The following TESK2 variants were observed in gnomAD, a reference collection of about 807,000 sequenced individuals.
TESK2 encodes the protein testis associated actin remodelling kinase 2.
A neutral mutation model predicts 57.1 loss-of-function variants in TESK2; 39 were observed. The ratio of observed to expected loss-of-function variants is 0.68; its 90% CI spans 0.53 to 0.89. The LOEUF is 0.89. Among genes scored for constraint, TESK2 ranks in the 40% least tolerant of loss-of-function variants. TESK2 has a pLI of 0.00. For missense variants in TESK2, 646 were observed against 732.1 expected (o/e 0.88, Z 1.36); for synonymous variants, 249 against 267.9 (o/e 0.93, Z 0.69).
chr1:45,344,569 G>A lies in TESK2; in HGVS notation c.*271C>T. On this transcript the variant is annotated 3_prime_UTR_variant, in exon 11 of 11. Coordinates refer to ENST00000372086, the MANE Select transcript of TESK2 (RefSeq NM_007170.3). ...TAGACATCCTCTGGTCCTATCTGGG[G>A]AAGTACACTGGAGAGGGTCTGGTGG... 2.2e-6 allele frequency: 1 copy of A among 445,676 alleles called. No individual in the cohort carries two copies. Among genetic ancestry groups the A allele is most frequent in the Admixed American group, 3.8e-5 (1 of 26,312 alleles). 27.6% of individuals were successfully genotyped at this position (445,676 alleles called of 1,614,324 possible). A position where few individuals can be genotyped will look rare whatever the true frequency, so the allele number is the denominator to read the frequency against.
intron 4 of TESK2, among the ~76,000 whole-genome samples, chr1:45,381,191 C>A (rs150398415): frequency 5.3e-5 from 8 of 152,256 alleles, no homozygotes; most frequent in African/African-American, 1.4e-4. Flanking sequence ...GGGAGAAATT[C>A]TTTACTCTCC....
intron 3 of TESK2, among the ~76,000 whole-genome samples, chr1:45,396,889 G>C (rs559261775): frequency 6.9e-6 from 1 of 144,294 alleles, no homozygotes; most frequent in Non-Finnish European, 1.5e-5. Context: ...CACAATCTTG[G>C]CTCACTGCAA....
chr1:45,372,859 T>A (rs1385254628), intron 4 of TESK2, among the ~76,000 whole-genome samples: 2 of 150,732 alleles, frequency 1.3e-5, no homozygotes, highest in Non-Finnish European at 3.0e-5. Flanking sequence ...AGAAACCCCA[T>A]CTCTACTAAA....
chr1:45,480,854 G>A (rs1291364585), intron 1 of TESK2, among the ~76,000 whole-genome samples: 1 of 151,068 alleles, frequency 6.6e-6, no homozygotes, highest in African/African-American at 2.4e-5. Flanking sequence ...CAGGTGTGGT[G>A]GTGCACACCT....
intron 3 of TESK2, among the ~76,000 whole-genome samples, chr1:45,404,593 G>T (rs1278705446): frequency 2.0e-5 from 3 of 151,032 alleles, no homozygotes; most frequent in Non-Finnish European, 4.4e-5. Context: ...ACCCAGGCTG[G>T]ATTGCAGTGG....
chr1:45,346,486 A>C (rs1335488545), intron 9 of TESK2, among the ~76,000 whole-genome samples: 1 of 152,178 alleles, frequency 6.6e-6, no homozygotes, highest in African/African-American at 2.4e-5. Context: ...TGAGGACCAG[A>C]TAATACAAAA....
At chr1:45,384,781 T>A (rs534148397) in intron 4 of TESK2, among the ~76,000 whole-genome samples, 1 of 151,874 alleles carries the variant, frequency 6.6e-6, no homozygotes, top group Non-Finnish European at 1.5e-5. Context: ...ATTATTATTA[T>A]CCCCATTATA....
chr1:45,487,698 G>C (rs1442289434), intron 1 of TESK2, among the ~76,000 whole-genome samples: 1 of 152,108 alleles, frequency 6.6e-6, no homozygotes, highest in Non-Finnish European at 1.5e-5. Flanking sequence ...TTGGTCCCTT[G>C]GAATGAAACA....
chr1:45,455,952 G>C (rs1652070799), intron 2 of TESK2, among the ~76,000 whole-genome samples: 1 of 151,998 alleles, frequency 6.6e-6, no homozygotes, highest in Non-Finnish European at 1.5e-5. Context: ...CAACACTTTG[G>C]GAGGCCGAGG....
At position 45,457,853 on chromosome 1, in the gene TESK2, C is replaced by T; in HGVS notation, c.-68G>A. The T allele has an allele frequency of 7.0e-7, 1 of 1,421,848 alleles. No individual in the cohort carries two copies. The highest frequency in any genetic ancestry group is 9.8e-7 in the Non-Finnish European group (1 of 1,022,924). The allele number at this position is 1,421,848 out of a possible 1,614,324, so 88.1% of individuals were successfully genotyped here. A position where few individuals can be genotyped will look rare whatever the true frequency, so the allele number is the denominator to read the frequency against. On this transcript the variant is annotated 5_prime_UTR_variant, in exon 2 of 11. Coordinates refer to ENST00000372086, the MANE Select transcript of TESK2 (RefSeq NM_007170.3). ...ACACATAAATTTTTGTTGAATTTTACTTCTCTTCTGGTTTGACACTAAAGA... is the reference window on the plus strand; with the variant it reads ...ACACATAAATTTTTGTTGAATTTTATTTCTCTTCTGGTTTGACACTAAAGA...
At chr1:45,452,151 T>G (rs1651900663) in intron 2 of TESK2, among the ~76,000 whole-genome samples, 1 of 152,098 alleles carries the variant, frequency 6.6e-6, no homozygotes. Flanking sequence ...AATTAAAAAT[T>G]AAGTCTTAGT....
At chr1:45,415,244 T>C (rs1379646210) in intron 3 of TESK2, 9 of 1,451,342 alleles carry the variant, frequency 6.2e-6, no homozygotes, top group East Asian at 2.3e-5. Flanking sequence ...TTTGGCAAGG[T>C]GAAAGAAGGC....
chr1:45,389,307 G>T (rs1649042296), intron 3 of TESK2, among the ~76,000 whole-genome samples: 1 of 152,154 alleles, frequency 6.6e-6, no homozygotes, highest in African/African-American at 2.4e-5. Context: ...CAGTTACTCA[G>T]GAGGCTGAGG....
At chr1:45,418,412 C>A (rs987888372) in intron 3 of TESK2, among the ~76,000 whole-genome samples, 17 of 152,200 alleles carry the variant, frequency 1.1e-4, no homozygotes, top group Non-Finnish European at 1.5e-4. Context: ...CTAGTTTCTG[C>A]TCAGAATCCA....
intron 1 of TESK2, among the ~76,000 whole-genome samples, chr1:45,483,006 G>A (rs1019973774): frequency 1.3e-5 from 2 of 150,736 alleles, no homozygotes; most frequent in African/African-American, 4.9e-5. Context: ...ATGTCCGGGC[G>A]CAGTAGCTGA....
intron 4 of TESK2, among the ~76,000 whole-genome samples, chr1:45,382,713 A>G (rs1373730929): frequency 1.2e-4 from 19 of 152,158 alleles, no homozygotes; most frequent in Non-Finnish European, 1.5e-5. Flanking sequence ...TCTACTAAAA[A>G]TACAAAATTA....
chr1:45,475,839 C>A (rs1349273792), intron 1 of TESK2, among the ~76,000 whole-genome samples: 1 of 152,176 alleles, frequency 6.6e-6, no homozygotes, highest in Non-Finnish European at 1.5e-5. Flanking sequence ...TCATCTTTCT[C>A]CCATGCTGGA....
chr1:45,347,592 A>G lies in TESK2; in HGVS notation c.708+17T>C, dbSNP rs375977189. Reference sequence around the variant, plus strand: ...AAGAAAAAAGGAGAATCAGGCCTTGAGATCCTCCAAACTTACCTTTTCATT... The same window carrying G: ...AAGAAAAAAGGAGAATCAGGCCTTGGGATCCTCCAAACTTACCTTTTCATT... On this transcript the variant is annotated intron_variant, in intron 7 of 10. Coordinates refer to ENST00000372086, the MANE Select transcript of TESK2 (RefSeq NM_007170.3). 2.2e-5 allele frequency: 35 copies of G among 1,608,092 alleles called. No individual in the cohort carries two copies. Among genetic ancestry groups the G allele is most frequent in the Non-Finnish European group, 3.0e-5 (35 of 1,176,098 alleles).
At chr1:45,386,578 T>C (rs2149275120) in intron 3 of TESK2, among the ~76,000 whole-genome samples, 1 of 152,148 alleles carries the variant, frequency 6.6e-6, no homozygotes, top group East Asian at 1.9e-4. Context: ...GTTATATGGA[T>C]TAGTTTTTTT....
Sources: allele counts gnomAD v4.1 joint callset (sites outside exome capture counted in the v4.1 genomes callset), GRCh38; gene constraint gnomAD v4.1.1; transcripts MANE v1.5; gene names NCBI Gene and HGNC (gene_info 2026-07-23, HGNC 2026-07-21).